C10orf67: variants seen among roughly 807,000 people sequenced by gnomAD.
The protein encoded by C10orf67 is uncharacterized protein C10orf67, mitochondrial.
Under a neutral mutation model 35.6 loss-of-function variants are expected in C10orf67, and 60 were observed. That is an observed-to-expected ratio of 1.68 (90% CI 1.37 to 2.09). The LOEUF (loss-of-function observed/expected upper bound fraction) is 2.09, where lower values mean the gene tolerates loss of function less well. C10orf67 is among the 30% of genes most tolerant of loss of function. C10orf67 has a pLI of 0.00. For missense variants in C10orf67, 474 were observed against 330.2 expected (o/e 1.44, Z -3.38); for synonymous variants, 167 against 115.8 (o/e 1.44, Z -2.84).
At position 23,231,798 on chromosome 10, in the gene C10orf67, G is replaced by A. The variant is rs116928979; in HGVS notation, c.1434+7931C>T. On this transcript the variant is annotated intron_variant, in intron 13 of 15. Coordinates refer to ENST00000636213, the MANE Select transcript of C10orf67 (RefSeq NM_001371909.1). ...TGGGTAAATAAGTTGTGGTATATTCGTGTATTAGAATATTTGCAATGGGTG... is the reference window on the plus strand; with the variant it reads ...TGGGTAAATAAGTTGTGGTATATTCATGTATTAGAATATTTGCAATGGGTG... Among the ~76,000 whole-genome samples the A allele has an allele frequency of 3.0e-3, 458 of 152,288 alleles. 12 individuals are homozygous for A. In the East Asian group the frequency reaches 0.05, roughly 17 times the overall value.
At chr10:23,290,021 CG>C in intron 6 of C10orf67, 63 bp from the exon 7 acceptor site, 1 of 709,900 alleles carries the variant, frequency 1.4e-6, no homozygotes, top group Non-Finnish European at 2.6e-6. Flanking sequence ...TGTATTTAAA[CG>C]GCCTGCTTCA....
intron 4 of C10orf67, among the ~76,000 whole-genome samples, chr10:23,311,723 A>AAAAAAG (rs150728967): frequency 6.6e-6 from 1 of 151,138 alleles, no homozygotes; most frequent in African/African-American, 2.4e-5. Context: ...AAGAAAAAAA[A>AAAAAAG]AAAGAAATTC....
intron 8 of C10orf67, among the ~76,000 whole-genome samples, chr10:23,276,683 T>C (rs1843198289): frequency 6.6e-6 from 1 of 152,158 alleles, no homozygotes; most frequent in Non-Finnish European, 1.5e-5. Context: ...CCTGTACCCT[T>C]GTATTCCATC....
chr10:23,333,374 A>C (rs1260986640), intron 1 of C10orf67, among the ~76,000 whole-genome samples, 192 bp from the exon 2 acceptor site: 1 of 152,174 alleles, frequency 6.6e-6, no homozygotes, highest in Admixed American at 6.5e-5. Context: ...AATTCCCTGG[A>C]CTGAGGCATA....
At chr10:23,330,554 C>A (rs1845406743) in intron 2 of C10orf67, among the ~76,000 whole-genome samples, 1 of 152,034 alleles carries the variant, frequency 6.6e-6, no homozygotes, top group Non-Finnish European at 1.5e-5. Flanking sequence ...TCCTGCCTAA[C>A]AAGGTGAAAC....
intron 13 of C10orf67, 113 bp from the exon 14 acceptor site, chr10:23,223,931 T>C: frequency 1.5e-6 from 1 of 649,688 alleles, no homozygotes; most frequent in Non-Finnish European, 2.8e-6. Flanking sequence ...ACTATGCTTG[T>C]CACTTATTTG....
chr10:23,318,783 A>C, intron 4 of C10orf67: 3 of 681,630 alleles, frequency 4.4e-6, no homozygotes. Context: ...TCTCATGAAT[A>C]AGAGGCCAGA....
At chr10:23,285,569 T>G (rs12413853) in intron 7 of C10orf67, among the ~76,000 whole-genome samples, 1 of 151,666 alleles carries the variant, frequency 6.6e-6, no homozygotes, top group East Asian at 1.9e-4. Flanking sequence ...ATATAAAAAA[T>G]TATTAGTGAG....
chr10:23,285,235 G>A (rs892854323), intron 7 of C10orf67, among the ~76,000 whole-genome samples: 1 of 151,434 alleles, frequency 6.6e-6, no homozygotes, highest in African/African-American at 2.4e-5. Flanking sequence ...TTTCTGCTCA[G>A]TACCAAAATG....
At chr10:23,274,565 C>G (rs1354095726) in intron 8 of C10orf67, among the ~76,000 whole-genome samples, 2 of 152,158 alleles carry the variant, frequency 1.3e-5, no homozygotes, top group East Asian at 3.9e-4. Context: ...AAATATGGCT[C>G]TATTCTGCCC....
At chr10:23,249,361 A>G (rs911934943) in intron 12 of C10orf67, among the ~76,000 whole-genome samples, 2 of 152,132 alleles carry the variant, frequency 1.3e-5, no homozygotes, top group Non-Finnish European at 2.9e-5. Flanking sequence ...CTTTTGTCTC[A>G]CATGTATCTA....
At chr10:23,229,035 A>G (rs535913159) in intron 13 of C10orf67, among the ~76,000 whole-genome samples, 2 of 152,258 alleles carry the variant, frequency 1.3e-5, no homozygotes, top group African/African-American at 4.8e-5. Flanking sequence ...GCGATTCCTC[A>G]AGGATCTAGA....
intron 8 of C10orf67, among the ~76,000 whole-genome samples, chr10:23,278,151 T>C (rs570040282): frequency 4.6e-5 from 7 of 152,218 alleles, no homozygotes; most frequent in Non-Finnish European, 1.0e-4. Context: ...CTTACATTTC[T>C]ATATGAGATT....
At chr10:23,234,980 C>T (rs1429665661) in intron 13 of C10orf67, among the ~76,000 whole-genome samples, 1 of 140,576 alleles carries the variant, frequency 7.1e-6, no homozygotes, top group Non-Finnish European at 1.5e-5. Context: ...CCATTGCACT[C>T]CAGCCTGAGG....
chr10:23,343,829 T>C (rs568050503), intron 1 of C10orf67: 3 of 424,524 alleles, frequency 7.1e-6, no homozygotes, highest in African/African-American at 2.1e-5. Context: ...GCAAGGGGCC[T>C]GGAAAGGCGT....
chr10:23,338,779 C>G (rs1479938500), intron 1 of C10orf67, among the ~76,000 whole-genome samples: 1 of 151,968 alleles, frequency 6.6e-6, no homozygotes, highest in Non-Finnish European at 1.5e-5. Context: ...GAGGCCGAGG[C>G]GGGAAGATCA....
intron 4 of C10orf67, among the ~76,000 whole-genome samples, chr10:23,304,060 A>C (rs527800273): frequency 2.2e-4 from 33 of 152,336 alleles, no homozygotes; most frequent in South Asian, 1.7e-3. Flanking sequence ...TCTGGTGACA[A>C]GCCCACAGGC....
At chr10:23,281,144 T>C (rs995120542) in intron 8 of C10orf67, among the ~76,000 whole-genome samples, 8 of 152,212 alleles carry the variant, frequency 5.3e-5, no homozygotes, top group African/African-American at 1.9e-4. Context: ...ATTCCCAAGT[T>C]GGTTTCGTAG....
intron 10 of C10orf67, among the ~76,000 whole-genome samples, chr10:23,261,367 C>T (rs1369541016): frequency 6.6e-6 from 1 of 152,176 alleles, no homozygotes; most frequent in Non-Finnish European, 1.5e-5. Context: ...GGCTGGAATG[C>T]AGTGGTGGGA....
Sources: gnomAD v4.1 joint callset for allele counts (sites outside exome capture counted in the v4.1 genomes callset) on GRCh38, gnomAD v4.1.1 for gene constraint, MANE v1.5 for transcripts, NCBI Gene and HGNC (gene_info 2026-07-23, HGNC 2026-07-21) for gene names.